EXTL3: variants seen among roughly 807,000 people sequenced by gnomAD.
EXTL3 encodes the protein exostosin-like 3.
A neutral mutation model predicts 69.3 loss-of-function variants in EXTL3; 27 were observed. The ratio of observed to expected loss-of-function variants is 0.39; its 90% CI spans 0.29 to 0.54. The LOEUF (loss-of-function observed/expected upper bound fraction) is 0.54, where lower values mean the gene tolerates loss of function less well. Ranked by LOEUF, EXTL3 falls within the 20% of genes least tolerant of loss-of-function variation. EXTL3 has a pLI of 0.69. For synonymous variants in EXTL3, 511 were observed against 499.4 expected, an observed-to-expected ratio of 1.02 and a Z score of -0.31; for missense variants, 1,003 against 1,231.8, an observed-to-expected ratio of 0.81 and a Z score of 2.78.
chr8:28,689,166 G>A (rs189523), intron 1 of EXTL3, among the ~76,000 whole-genome samples: 101,579 of 152,084 alleles, frequency 0.67, 34,070 homozygotes, highest in Middle Eastern at 0.72. Context: ...GCCCCTTGCA[G>A]TCTTTTTTCG....
intron 1 of EXTL3, among the ~76,000 whole-genome samples, chr8:28,681,021 G>T (rs561989563): frequency 6.6e-6 from 1 of 151,856 alleles, no homozygotes; most frequent in Non-Finnish European, 1.5e-5. Context: ...GGGATTACAG[G>T]CACCCACCAC....
Position 28,750,629 on chromosome 8 carries a change from C to T in EXTL3, c.2551-28C>T, listed in dbSNP as rs1563227432. Reference sequence around the variant, plus strand: ...GTTCTGTCAGTATTAGCTGGGATTCCCACTCTGTCTCTCTCTCCCGTTTCC... The same window carrying T: ...GTTCTGTCAGTATTAGCTGGGATTCTCACTCTGTCTCTCTCTCCCGTTTCC... On this transcript the variant is annotated intron_variant, in intron 6 of 6. Coordinates refer to ENST00000220562, the MANE Select transcript of EXTL3 (RefSeq NM_001440.4). This position sits in a 1 kb window ranked among gnomAD's most constrained non-coding sequence, Gnocchi z 5.2. 1 of 1,587,924 alleles carries T rather than the reference C, an allele frequency of 6.3e-7. No individual in the cohort carries two copies. The highest frequency in any genetic ancestry group is 8.6e-7 in the Non-Finnish European group (1 of 1,156,440).
intron 2 of EXTL3, among the ~76,000 whole-genome samples, chr8:28,611,864 G>A (rs555016989): frequency 4.5e-4 from 68 of 152,252 alleles, no homozygotes; most frequent in African/African-American, 1.5e-3. Context: ...GAGTCTGTTC[G>A]CTGCGATGCC....
At chr8:28,614,272 CTTTTTTT>C (rs35659799) in intron 2 of EXTL3, among the ~76,000 whole-genome samples, 32 of 104,864 alleles carry the variant, frequency 3.1e-4, no homozygotes, top group Middle Eastern at 5.3e-3. Context: ...GGGTTTTTTG[CTTTTTTT>C]TTTTTTTTTT....
intron 3 of EXTL3, chr8:28,730,020 T>C (rs900300133): frequency 6.6e-6 from 1 of 152,144 alleles, no homozygotes; most frequent in African/African-American, 2.4e-5. Context: ...TTAATTGAAG[T>C]ATGAGGGCTC....
At chr8:28,705,879 T>G (rs1019025082) in intron 1 of EXTL3, among the ~76,000 whole-genome samples, 1 of 152,192 alleles carries the variant, frequency 6.6e-6, no homozygotes, top group Non-Finnish European at 1.5e-5. Context: ...GTGAGAAAGA[T>G]AGGAAGAATG....
intron 1 of EXTL3, among the ~76,000 whole-genome samples, chr8:28,677,369 G>A (rs1807404884): frequency 6.6e-6 from 1 of 152,064 alleles, no homozygotes; most frequent in Non-Finnish European, 1.5e-5. Flanking sequence ...GTGCCTAGGA[G>A]CCTTTGTCTC....
At chr8:28,737,779 C>A in intron 5 of EXTL3, 116 bp downstream of exon 5, 1 of 1,207,672 alleles carries the variant, frequency 8.3e-7, no homozygotes, top group Non-Finnish European at 1.2e-6. Context: ...TTCTTTTGTG[C>A]TAGAAGTCAG....
chr8:28,661,884 C>T (rs1397788994), intron 1 of EXTL3, among the ~76,000 whole-genome samples: 1 of 141,576 alleles, frequency 7.1e-6, no homozygotes, highest in Admixed American at 7.1e-5. Context: ...AACTCCTTCT[C>T]AAAAAAAAAA....
chr8:28,747,337 T>C (rs1801908143), intron 6 of EXTL3, among the ~76,000 whole-genome samples: 1 of 152,150 alleles, frequency 6.6e-6, no homozygotes, highest in African/African-American at 2.4e-5. Flanking sequence ...GGTGGGACCC[T>C]GGAGGGGGAC....
intron 1 of EXTL3, among the ~76,000 whole-genome samples, chr8:28,645,063 G>A (rs1806806858): frequency 1.3e-5 from 2 of 151,948 alleles, no homozygotes; most frequent in Non-Finnish European, 2.9e-5. Context: ...TAATTTGGGG[G>A]ACATTGTTTC....
intron 1 of EXTL3, among the ~76,000 whole-genome samples, 187 bp from the exon 2 acceptor site, chr8:28,713,270 A>G (rs1323038700): frequency 6.6e-6 from 1 of 152,204 alleles, no homozygotes; most frequent in Non-Finnish European, 1.5e-5. Context: ...ATTTATTAAT[A>G]GTCTCCCTTT....
At position 28,672,739 on chromosome 8, in the gene EXTL3, A is replaced by G. The variant is rs79043051; in HGVS notation, c.-52-40718A>G. On this transcript the variant is annotated intron_variant, in intron 1 of 6. Coordinates refer to the EXTL3 transcript ENST00000523149. Reference sequence around the variant, plus strand: ...CACGGACTGAGTATATTTGCTGTGTAGTTGCTTGGTGGTGATGTATGCATC... The same window carrying G: ...CACGGACTGAGTATATTTGCTGTGTGGTTGCTTGGTGGTGATGTATGCATC... Among the ~76,000 whole-genome samples, 249 of 152,244 alleles carry G rather than the reference A, an allele frequency of 1.6e-3. 6 individuals are homozygous for G. The East Asian group carries it at 0.046, about 28-fold the overall frequency.
At chr8:28,608,071 C>T (rs1806221959) in intron 2 of EXTL3, among the ~76,000 whole-genome samples, 1 of 150,634 alleles carries the variant, frequency 6.6e-6, no homozygotes, top group South Asian at 2.1e-4. Context: ...GATCGTGCCA[C>T]TGCACTCCAG....
In EXTL3 at chr8:28,656,409, T is replaced by C. The variant is rs2130612941; in HGVS notation, c.-53+33599T>C. On this transcript the variant is annotated intron_variant, in intron 1 of 6. Coordinates refer to the EXTL3 transcript ENST00000523149. ...AACTCCTGACCTCAAGTAATCTGCC[T>C]GACTCAGCTTCCCAAAGTGCTGGGA... Among the ~76,000 whole-genome samples, 2 of 152,324 alleles carry C rather than the reference T, an allele frequency of 1.3e-5. 1 individual carries two copies. The highest frequency in any genetic ancestry group is 4.1e-4 in the South Asian group (2 of 4,830).
intron 1 of EXTL3, among the ~76,000 whole-genome samples, chr8:28,694,979 G>C (rs1474653429): frequency 6.6e-6 from 1 of 152,070 alleles, no homozygotes; most frequent in Non-Finnish European, 1.5e-5. Context: ...TCACGCCACT[G>C]CACTTCAGCC....
chr8:28,690,713 T>C (rs1184452251), intron 1 of EXTL3, among the ~76,000 whole-genome samples: 1 of 152,206 alleles, frequency 6.6e-6, no homozygotes, highest in Non-Finnish European at 1.5e-5. Flanking sequence ...GGCGTCTCCA[T>C]AGTGTTGTCA....
chr8:28,726,452 G>A (rs975752504), intron 3 of EXTL3, among the ~76,000 whole-genome samples: 4 of 152,176 alleles, frequency 2.6e-5, no homozygotes, highest in Admixed American at 2.6e-4. Flanking sequence ...TCTTTTTGCG[G>A]CTATAGGGAA....
intron 3 of EXTL3, among the ~76,000 whole-genome samples, chr8:28,730,715 A>G (rs1477027488): frequency 6.6e-6 from 1 of 152,202 alleles, no homozygotes; most frequent in Non-Finnish European, 1.5e-5. Context: ...TGTAGGTAGG[A>G]ATTTCAAAGG....
Sources: gnomAD v4.1 joint callset for allele counts (sites outside exome capture counted in the v4.1 genomes callset) on GRCh38, gnomAD v4.1.1 for gene constraint, Gnocchi (gnomAD v3.1) non-coding constraint, MANE v1.5 for transcripts, NCBI Gene and HGNC (gene_info 2026-07-23, HGNC 2026-07-21) for gene names.